Variants in PCDHA1 observed in about 807,000 individuals in gnomAD.
PCDHA1 encodes the protein protocadherin alpha-1.
A neutral mutation model predicts 61.3 loss-of-function variants in PCDHA1; 42 were observed. The ratio of observed to expected loss-of-function variants is 0.69; its 90% CI spans 0.54 to 0.89. The LOEUF (loss-of-function observed/expected upper bound fraction) is 0.89. Among genes scored for constraint, PCDHA1 ranks in the 40% least tolerant of loss-of-function variants. The pLI is 0.00. For missense variants in PCDHA1, 1,256 were observed against 1,235.3 expected (o/e 1.02, Z -0.25); for synonymous variants, 610 against 553.8 (o/e 1.10, Z -1.43).
At chr5:140,979,035 G>A in intron 2 of PCDHA1, 28 bp downstream of exon 2, 1 of 1,612,986 alleles carries the variant, frequency 6.2e-7, no homozygotes, top group Non-Finnish European at 8.5e-7. Flanking sequence ...CATTCACTCA[G>A]AAGTAACCTT....
rs1205846373 is a variant in PCDHA1 at position 140,858,213 on chromosome 5, C to T, written c.2394+69529C>T. Reference sequence around the variant, plus strand: ...CTGCTGTACACTGCACTGAGGTGCTCGGCGGCGCCCACCGAGGGCGCATGT... The same window carrying T: ...CTGCTGTACACTGCACTGAGGTGCTTGGCGGCGCCCACCGAGGGCGCATGT... On this transcript the variant is annotated intron_variant, in intron 1 of 3. Coordinates refer to ENST00000504120, the MANE Select transcript of PCDHA1 (RefSeq NM_018900.4). 13 of 1,594,002 alleles carry T rather than the reference C, an allele frequency of 8.2e-6. 3 individuals are homozygous for T. Among genetic ancestry groups the T allele is most frequent in the Non-Finnish European group, 1.1e-5 (13 of 1,165,570 alleles).
At chr5:140,826,144 C>A (rs1554130462) in intron 1 of PCDHA1, among the ~76,000 whole-genome samples, 1 of 152,076 alleles carries the variant, frequency 6.6e-6, no homozygotes, top group East Asian at 1.9e-4. Flanking sequence ...TTGAGGAAGT[C>A]CTAGAAATTG....
intron 1 of PCDHA1, chr5:140,809,259 C>T: frequency 6.2e-7 from 1 of 1,614,090 alleles, no homozygotes; most frequent in Non-Finnish European, 8.5e-7. Context: ...GGTCCCGATG[C>T]TGCGCTGGTG....
intron 3 of PCDHA1, among the ~76,000 whole-genome samples, chr5:140,999,615 A>G (rs535054544): frequency 5.3e-5 from 8 of 152,322 alleles, no homozygotes; most frequent in Admixed American, 3.3e-4. Flanking sequence ...GACCTTATCA[A>G]CCAGGAAACA....
At chr5:140,927,108 C>T (rs782811125) in intron 1 of PCDHA1, 6 of 1,613,528 alleles carry the variant, frequency 3.7e-6, no homozygotes, top group African/African-American at 1.3e-5. Context: ...ATCTACCCAG[C>T]GGCAATTTGG....
chr5:140,824,992 A>T (rs1272467499), intron 1 of PCDHA1: 2 of 152,122 alleles, frequency 1.3e-5, no homozygotes, highest in Non-Finnish European at 2.9e-5. Context: ...GGAAACACAT[A>T]TACATGGTTT....
chr5:140,911,040 A>G (rs970284436), intron 1 of PCDHA1, among the ~76,000 whole-genome samples: 15 of 152,034 alleles, frequency 9.9e-5, no homozygotes, highest in Non-Finnish European at 2.2e-4. Context: ...CTAGAAGCAA[A>G]CAGGGGTGGT....
chr5:140,876,568 G>A (rs1302204057), intron 1 of PCDHA1: 1 of 1,614,046 alleles, frequency 6.2e-7, no homozygotes, highest in African/African-American at 1.3e-5. Context: ...TGCTCAGGTG[G>A]GTACCGTCAT....
rs2150492048 is a variant in PCDHA1, at chr5:140,850,648, A to T, written c.2394+61964A>T. The T allele has an allele frequency of 6.9e-6, 11 of 1,598,398 alleles. No individual in the cohort carries two copies. In the South Asian group the frequency reaches 1.1e-4, roughly 16 times the overall value. On this transcript the variant is annotated intron_variant, in intron 1 of 3. Coordinates refer to ENST00000504120, the MANE Select transcript of PCDHA1 (RefSeq NM_018900.4). ...CTGTTGGTTCTCACGCTGCTGCTGT[A>T]CACTGTGCTGCGGTGCTCGGCGATG...
intron 1 of PCDHA1, chr5:140,867,087 G>T (rs1320862107): frequency 3.9e-5 from 6 of 151,970 alleles, no homozygotes; most frequent in African/African-American, 1.4e-4. Context: ...CTGTATTGTT[G>T]GAAATTAACA....
At chr5:140,917,262 T>C (rs1222739469) in intron 1 of PCDHA1, among the ~76,000 whole-genome samples, 1 of 151,720 alleles carries the variant, frequency 6.6e-6, no homozygotes, top group Middle Eastern at 3.2e-3. Context: ...CACCTGATGT[T>C]TGGTTTTTGT....
chr5:140,903,550 C>T lies in PCDHA1; in HGVS notation c.2395-75399C>T, dbSNP rs139225982. 2.6e-3 allele frequency among the ~76,000 whole-genome samples: 396 copies of T among 152,250 alleles called. 2 individuals carry two copies. The highest frequency in any genetic ancestry group is 9.3e-3 in the African/African-American group (385 of 41,564). The stretch of plus-strand genomic sequence containing the variant: ...CTTTAAACTAGAGCAAGAAACTTTT[C>T]TAATAAGTGGAATTGGGAGCTGTCT... On this transcript the variant is annotated intron_variant, in intron 1 of 3. Transcript: ENST00000504120.
intron 1 of PCDHA1, chr5:140,884,480 A>T (rs782532542): frequency 7.4e-6 from 12 of 1,613,662 alleles, no homozygotes; most frequent in Non-Finnish European, 9.3e-6. Flanking sequence ...GGGCAAGCCC[A>T]CTCTAGTGTG....
chr5:140,801,611 G>T lies in PCDHA1; in HGVS notation c.2394+12927G>T, dbSNP rs146287685. The stretch of plus-strand genomic sequence containing the variant: ...CGCCAGTTTTTCCAATGGCTGTAAA[G>T]AATCTGTTTATTTCCGAATCCCGAC... On this transcript the variant is annotated intron_variant, in intron 1 of 3. Coordinates refer to ENST00000504120, the MANE Select transcript of PCDHA1 (RefSeq NM_018900.4). The T allele has an allele frequency of 9.9e-6, 16 of 1,614,044 alleles. No homozygotes were observed. The African/African-American group carries it at 2.1e-4, about 22-fold the overall frequency.
intron 1 of PCDHA1, chr5:140,827,994 C>G: frequency 6.8e-7 from 1 of 1,473,020 alleles, no homozygotes; most frequent in Non-Finnish European, 9.1e-7. Flanking sequence ...TGAATGATGG[C>G]GGACGCAGAA....
At chr5:140,885,070 T>C (rs1253345040) in intron 1 of PCDHA1, among the ~76,000 whole-genome samples, 1 of 152,232 alleles carries the variant, frequency 6.6e-6, no homozygotes, top group African/African-American at 2.4e-5. Flanking sequence ...CAAGATATTA[T>C]TTTAAAGAGC....
intron 1 of PCDHA1, among the ~76,000 whole-genome samples, chr5:140,923,269 T>C (rs1554201320): frequency 6.6e-6 from 1 of 152,218 alleles, no homozygotes; most frequent in Non-Finnish European, 1.5e-5. Flanking sequence ...TGAGACCTTG[T>C]CTCTACAAAA....
At chr5:140,911,030 C>A (rs995736934) in intron 1 of PCDHA1, among the ~76,000 whole-genome samples, 1 of 152,066 alleles carries the variant, frequency 6.6e-6, no homozygotes, top group East Asian at 1.9e-4. Context: ...AGTTATAGGT[C>A]TAGAAGCAAA....
At chr5:140,848,269 G>T in intron 1 of PCDHA1, 1 of 502,308 alleles carries the variant, frequency 2.0e-6, no homozygotes, top group Non-Finnish European at 3.5e-6. Context: ...TTTTATTCAT[G>T]AAATATGTAC....
Sources: gnomAD v4.1 joint callset for allele counts (sites outside exome capture counted in the v4.1 genomes callset) on GRCh38, gnomAD v4.1.1 for gene constraint, MANE v1.5 for transcripts, NCBI Gene and HGNC (gene_info 2026-07-23, HGNC 2026-07-21) for gene names.